The following STUM variants were observed in gnomAD, a reference collection of about 807,000 sequenced individuals.
STUM encodes the protein protein stum homolog.
STUM carries 8 observed loss-of-function variants against 15.3 expected under a neutral mutation model. The observed-to-expected ratio is 0.52, with a 90% CI of 0.31 to 0.94. The LOEUF (loss-of-function observed/expected upper bound fraction) is 0.94, where lower values mean the gene tolerates loss of function less well. Ranked by LOEUF, STUM falls within the 40% of genes least tolerant of loss-of-function variation. STUM has a pLI of 0.05. For missense variants in STUM, 142 were observed against 204.9 expected, an observed-to-expected ratio of 0.69 and a Z score of 1.87; for synonymous variants, 78 against 88.7, an observed-to-expected ratio of 0.88 and a Z score of 0.68.
At chr1:226,569,824 G>A (rs2102694145) in intron 1 of STUM, among the ~76,000 whole-genome samples, 1 of 152,328 alleles carries the variant, frequency 6.6e-6, no homozygotes, top group African/African-American at 2.4e-5. Context: ...GGTGGGATCT[G>A]CGCTGTCTGG....
At chr1:226,571,733 G>A (rs2102695333) in intron 1 of STUM, among the ~76,000 whole-genome samples, 1 of 152,116 alleles carries the variant, frequency 6.6e-6, no homozygotes, top group African/African-American at 2.4e-5. Flanking sequence ...TCTGCCTGCA[G>A]GGTTCAAGGG....
At position 226,600,576 on chromosome 1, in the gene STUM, G is replaced by C; in HGVS notation, c.383-90G>C. ...GGATCTGCTTTGTTTCCTGTGCCAA[G>C]CGTTCCCTGTGGCTCTGTTTTCAGG... On this transcript the variant is annotated intron_variant, in intron 2 of 3. Transcript: ENST00000366788. The surrounding 1 kb of genome is among the most constrained non-coding windows in gnomAD (Gnocchi z 5.2). The C allele has an allele frequency of 1.3e-6, 2 of 1,495,934 alleles. No homozygotes were observed. Among genetic ancestry groups the C allele is most frequent in the Non-Finnish European group, 9.2e-7 (1 of 1,082,268 alleles). The allele number at this position is 1,495,934 out of a possible 1,614,324, so 92.7% of individuals were successfully genotyped here. A position where few individuals can be genotyped will look rare whatever the true frequency, so the allele number is the denominator to read the frequency against.
Position 226,605,981 on chromosome 1 carries a change from A to C in STUM, c.*3941A>C, listed in dbSNP as rs1194585105. ...GTGTGAGATGAACTCCGCCTCATGC[A>C]GGATGCCCAGGGCTCGGAAGCAGTA... On this transcript the variant is annotated 3_prime_UTR_variant, in exon 4 of 4. Coordinates refer to ENST00000366788, the MANE Select transcript of STUM (RefSeq NM_001003665.4). This position sits in a 1 kb window ranked among gnomAD's most constrained non-coding sequence, Gnocchi z 4.0. 3 of 152,208 alleles carry C rather than the reference A, an allele frequency of 2.0e-5. No individual in the cohort carries two copies. The highest frequency in any genetic ancestry group is 7.2e-5 in the African/African-American group (3 of 41,456). The allele number at this position is 152,208 out of a possible 1,614,324, so 9.4% of individuals were successfully genotyped here.
At position 226,603,514 on chromosome 1, in the gene STUM, AG is replaced by A. The variant is rs1668305440; in HGVS notation, c.*1475del. 1 of 152,266 alleles carries A rather than the reference AG, an allele frequency of 6.6e-6. No homozygotes were observed. Among genetic ancestry groups the A allele is most frequent in the South Asian group, 2.1e-4 (1 of 4,834 alleles). 9.4% of individuals were successfully genotyped at this position (152,266 alleles called of 1,614,324 possible). Reference sequence around the variant, plus strand: ...TCAAGCTTCTGACTCCACTTGACACAGTGCCATTGGGCATGTCCCTCTCTGA... The same window carrying A: ...TCAAGCTTCTGACTCCACTTGACACATGCCATTGGGCATGTCCCTCTCTGA... On this transcript the variant is annotated 3_prime_UTR_variant, in exon 4 of 4. Coordinates refer to ENST00000366788, the MANE Select transcript of STUM (RefSeq NM_001003665.4).
intron 1 of STUM, among the ~76,000 whole-genome samples, chr1:226,550,934 A>G (rs1225849415): frequency 6.6e-6 from 1 of 152,194 alleles, no homozygotes; most frequent in Non-Finnish European, 1.5e-5. Context: ...TTTGTGAAAC[A>G]AACAAATAAA....
At chr1:226,553,500 G>T (rs375418027) in intron 1 of STUM, among the ~76,000 whole-genome samples, 1 of 152,192 alleles carries the variant, frequency 6.6e-6, no homozygotes, top group Non-Finnish European at 1.5e-5. Context: ...AACAATAAAT[G>T]GAGTGGGAAG....
At chr1:226,564,982 C>T (rs1474489625) in intron 1 of STUM, among the ~76,000 whole-genome samples, 1 of 152,216 alleles carries the variant, frequency 6.6e-6, no homozygotes, top group African/African-American at 2.4e-5. Context: ...TCTGCTCTTC[C>T]CTATCCTGCT....
rs1293935472 is a variant in STUM, at chr1:226,605,352, C to T, written c.*3312C>T. 6.6e-6 allele frequency: 1 copy of T among 152,380 alleles called. No homozygotes were observed. The highest frequency in any genetic ancestry group is 1.5e-5 in the Non-Finnish European group (1 of 68,204). The allele number at this position is 152,380 out of a possible 1,614,324, so 9.4% of individuals were successfully genotyped here. A position where few individuals can be genotyped will look rare whatever the true frequency, so the allele number is the denominator to read the frequency against. ...GTCATGTGCCCCCAAACACTCAGCT[C>T]CTAAGTGGCAGGACAGGCAAGTGGC... On this transcript the variant is annotated 3_prime_UTR_variant, in exon 4 of 4. Transcript: ENST00000366788. The surrounding 1 kb of genome is among the most constrained non-coding windows in gnomAD (Gnocchi z 4.0).
intron 1 of STUM, among the ~76,000 whole-genome samples, chr1:226,568,277 C>T (rs1396737962): frequency 6.6e-6 from 1 of 152,124 alleles, no homozygotes; most frequent in Admixed American, 6.5e-5. Flanking sequence ...TTTCGGTGGG[C>T]CTCATTCCGA....
At chr1:226,560,247 T>G (rs1667518747) in intron 1 of STUM, among the ~76,000 whole-genome samples, 1 of 152,224 alleles carries the variant, frequency 6.6e-6, no homozygotes, top group Non-Finnish European at 1.5e-5. Flanking sequence ...CCAACCTCAC[T>G]ACTTGACCAC....
intron 1 of STUM, among the ~76,000 whole-genome samples, chr1:226,560,839 C>A (rs1329302846): frequency 6.6e-6 from 1 of 152,220 alleles, no homozygotes; most frequent in Non-Finnish European, 1.5e-5. Context: ...AGATTCTCCT[C>A]CCCTGAAATT....
intron 2 of STUM, 36 bp downstream of exon 2, chr1:226,597,017 G>A: frequency 6.2e-7 from 1 of 1,603,704 alleles, no homozygotes; most frequent in Non-Finnish European, 8.5e-7. Context: ...CCTGGGGGTG[G>A]GGAGTGGCCA....
intron 1 of STUM, among the ~76,000 whole-genome samples, chr1:226,554,827 G>A (rs927565872): frequency 4.6e-5 from 7 of 152,140 alleles, no homozygotes; most frequent in African/African-American, 1.2e-4. Flanking sequence ...CCCTTTCACC[G>A]CAAAATTCCC....
intron 1 of STUM, 75 bp from the exon 2 acceptor site, chr1:226,596,727 C>A: frequency 7.3e-7 from 1 of 1,371,310 alleles, no homozygotes; most frequent in African/African-American, 1.4e-5. Context: ...AGCTGGGCCC[C>A]AGGCCAGCAA....
At chr1:226,601,960 A>C (rs779831980) in intron 3 of STUM, 46 bp from the exon 4 acceptor site, 1 of 1,582,842 alleles carries the variant, frequency 6.3e-7, no homozygotes, top group Non-Finnish European at 8.7e-7. Flanking sequence ...AGAAATCCTG[A>C]AGTAAGCAGG....
At chr1:226,571,686 C>G (rs1667714650) in intron 1 of STUM, among the ~76,000 whole-genome samples, 1 of 151,710 alleles carries the variant, frequency 6.6e-6, no homozygotes, top group Non-Finnish European at 1.5e-5. Flanking sequence ...GTTGCCCAGG[C>G]TGGAGTGCAA....
rs1668317965 is a variant in STUM at position 226,604,152 on chromosome 1, A to T, written c.*2112A>T. On this transcript the variant is annotated 3_prime_UTR_variant, in exon 4 of 4. Transcript: ENST00000366788. The surrounding 1 kb of genome is among the most constrained non-coding windows in gnomAD (Gnocchi z 4.7). ...TCTCAGGAGGGGGCCGCCCCCACAA[A>T]TGGGAGGCGGAAGCTTATTTTCCCC... The T allele has an allele frequency of 6.6e-6, 1 of 151,814 alleles. No individual in the cohort carries two copies. Among genetic ancestry groups the T allele is most frequent in the Non-Finnish European group, 1.5e-5 (1 of 67,960 alleles). 9.4% of individuals were successfully genotyped at this position (151,814 alleles called of 1,614,324 possible).
intron 1 of STUM, among the ~76,000 whole-genome samples, chr1:226,569,351 GA>G (rs1287064657): frequency 3.9e-5 from 6 of 152,194 alleles, no homozygotes; most frequent in African/African-American, 7.2e-5. Flanking sequence ...TTCCAGCTGT[GA>G]GAGGCCCAAT....
chr1:226,587,156 G>A (rs1470953199), intron 1 of STUM, among the ~76,000 whole-genome samples: 1 of 152,196 alleles, frequency 6.6e-6, no homozygotes, highest in Admixed American at 6.5e-5. Flanking sequence ...CTAGGAGGGG[G>A]CAGGCAGAGG....
Sources: gnomAD v4.1 joint callset for allele counts (sites outside exome capture counted in the v4.1 genomes callset) on GRCh38, gnomAD v4.1.1 for gene constraint, Gnocchi (gnomAD v3.1) non-coding constraint, MANE v1.5 for transcripts, NCBI Gene and HGNC (gene_info 2026-07-23, HGNC 2026-07-21) for gene names.